Variants in SRFBP1 observed in about 807,000 individuals in gnomAD.
SRFBP1 encodes serum response factor binding protein 1, also known as serum response factor-binding protein 1.
A neutral mutation model predicts 45.5 loss-of-function variants in SRFBP1; 47 were observed. The observed-to-expected ratio is 1.03, with a 90% CI of 0.82 to 1.32. The LOEUF is 1.32. SRFBP1 is among the 40% of genes most tolerant of loss of function. The probability of loss-of-function intolerance (pLI) is 0.00; values close to 1 mark genes in which losing one functional copy is unlikely to be tolerated. For synonymous variants in SRFBP1, 203 were observed against 166.3 expected (o/e 1.22, Z -1.70); for missense variants, 621 against 484.6 (o/e 1.28, Z -2.64).
At chr5:121,963,381 G>A (rs190402742) in intron 1 of SRFBP1, among the ~76,000 whole-genome samples, 33 of 152,236 alleles carry the variant, frequency 2.2e-4, no homozygotes, top group Admixed American at 2.0e-3. Flanking sequence ...AAAGCGTTTG[G>A]TGGGCTATTT....
At chr5:122,054,049 G>A (rs1356983816) in intron 2 of SRFBP1, among the ~76,000 whole-genome samples, 1 of 152,230 alleles carries the variant, frequency 6.6e-6, no homozygotes, top group African/African-American at 2.4e-5. Flanking sequence ...ATCCAGCAGT[G>A]TGAGATGGAG....
intron 3 of SRFBP1, among the ~76,000 whole-genome samples, chr5:121,989,851 A>G (rs935596987): frequency 3.3e-5 from 5 of 152,166 alleles, no homozygotes; most frequent in Non-Finnish European, 1.5e-5. Context: ...CTTCTTTGGA[A>G]CACTCTAGTA....
chr5:122,070,469 A>AT, intron 2 of SRFBP1: 1 of 1,259,842 alleles, frequency 7.9e-7, no homozygotes, highest in Non-Finnish European at 1.2e-6. Flanking sequence ...ATATCAATAT[A>AT]TGATATATTT....
At chr5:121,993,061 C>T (rs1330322213) in intron 3 of SRFBP1, among the ~76,000 whole-genome samples, 2 of 152,148 alleles carry the variant, frequency 1.3e-5, no homozygotes, top group South Asian at 4.1e-4. Flanking sequence ...ATAATTAGTC[C>T]AACAAATTCA....
chr5:121,995,785 AAGAG>A (rs1446367677), intron 4 of SRFBP1, among the ~76,000 whole-genome samples: 48 of 151,806 alleles, frequency 3.2e-4, no homozygotes, highest in African/African-American at 1.1e-3. Context: ...TAAAGAAAAA[AAGAG>A]AGAAGAATCA....
At chr5:121,972,949 A>G (rs1725974898) in intron 1 of SRFBP1, among the ~76,000 whole-genome samples, 1 of 151,938 alleles carries the variant, frequency 6.6e-6, no homozygotes, top group South Asian at 2.1e-4. Flanking sequence ...GAATGATGGC[A>G]GAACTTAGGG....
chr5:122,077,857 G>A, downstream of SRFBP1: 1 of 1,539,886 alleles, frequency 6.5e-7, no homozygotes, highest in Non-Finnish European at 8.7e-7. This position sits in a 1 kb window ranked among gnomAD's most constrained non-coding sequence, Gnocchi z 4.9. Flanking sequence ...GGATCTGCTG[G>A]CGCCAGGCGC....
chr5:121,967,152 A>T (rs975850427), intron 1 of SRFBP1, among the ~76,000 whole-genome samples: 7 of 152,090 alleles, frequency 4.6e-5, no homozygotes, highest in African/African-American at 7.2e-5. Context: ...TTTTCATTTC[A>T]TGTAAGACAG....
intron 2 of SRFBP1, among the ~76,000 whole-genome samples, chr5:122,062,767 T>A (rs1329948022): frequency 6.6e-6 from 1 of 152,010 alleles, no homozygotes; most frequent in African/African-American, 2.4e-5. Flanking sequence ...TGCCCTCTCA[T>A]GTTACCAGAT....
intron 2 of SRFBP1, among the ~76,000 whole-genome samples, chr5:122,056,074 C>G (rs1396762338): frequency 6.6e-6 from 1 of 152,140 alleles, no homozygotes; most frequent in African/African-American, 2.4e-5. Flanking sequence ...ACCTTTCACT[C>G]CGGTCCCCAA....
chr5:122,042,905 T>C (rs551171791), intron 2 of SRFBP1, among the ~76,000 whole-genome samples: 25 of 152,308 alleles, frequency 1.6e-4, no homozygotes, highest in African/African-American at 5.8e-4. Context: ...TACCAAATAA[T>C]ATATAGGCCT....
intron 1 of SRFBP1, among the ~76,000 whole-genome samples, chr5:121,968,652 T>C (rs746437629): frequency 1.3e-5 from 2 of 152,200 alleles, no homozygotes; most frequent in Non-Finnish European, 2.9e-5. Flanking sequence ...CTTTTCCTAT[T>C]GTTGAGAATG....
At chr5:121,985,722 C>T (rs759120005) in intron 3 of SRFBP1, among the ~76,000 whole-genome samples, 8 of 151,790 alleles carry the variant, frequency 5.3e-5, no homozygotes, top group Non-Finnish European at 1.0e-4. Flanking sequence ...TGAGCATTTA[C>T]CAAATGCCAT....
chr5:121,985,201 T>C (rs1752486436), intron 3 of SRFBP1, among the ~76,000 whole-genome samples: 1 of 151,838 alleles, frequency 6.6e-6, no homozygotes. Context: ...GAGGGACACT[T>C]AGCACTGCTT....
chr5:122,054,571 A>G (rs925127811), intron 2 of SRFBP1, among the ~76,000 whole-genome samples: 2 of 152,156 alleles, frequency 1.3e-5, no homozygotes, highest in Non-Finnish European at 2.9e-5. Flanking sequence ...AATGAACTTT[A>G]TCTACAAAAT....
At chr5:121,973,437 G>T (rs916583729) in intron 1 of SRFBP1, among the ~76,000 whole-genome samples, 1 of 151,848 alleles carries the variant, frequency 6.6e-6, no homozygotes, top group African/African-American at 2.4e-5. Flanking sequence ...ACTGATAGAT[G>T]AAATATAAAC....
chr5:121,994,524 G>A (rs1752679468), intron 3 of SRFBP1, 75 bp from the exon 4 acceptor site: 2 of 899,628 alleles, frequency 2.2e-6, no homozygotes, highest in Non-Finnish European at 1.7e-6. Flanking sequence ...AGTTTCTTAA[G>A]ATACGGAAAG....
chr5:121,974,126 G>A, intron 1 of SRFBP1, 70 bp from the exon 2 acceptor site: 1 of 1,050,190 alleles, frequency 9.5e-7, no homozygotes, highest in South Asian at 1.4e-5. Flanking sequence ...CAAATATTAA[G>A]ACTCAAAATA....
rs1033250050 is a variant in SRFBP1, at chr5:122,027,552, C to G, written c.*426C>G. 2.0e-5 allele frequency: 3 copies of G among 152,386 alleles called. No homozygotes were observed. The highest frequency in any genetic ancestry group is 7.2e-5 in the African/African-American group (3 of 41,426). The allele number at this position is 152,386 out of a possible 1,614,324, so 9.4% of individuals were successfully genotyped here. A position where few individuals can be genotyped will look rare whatever the true frequency, so the allele number is the denominator to read the frequency against. On this transcript the variant is annotated 3_prime_UTR_variant, in exon 8 of 8. Transcript: ENST00000339397. ...GGGGATTTTAGTGATCTCATATTTT[C>G]TCTTTAGTGCTTATCATGAAATGTG...
Sources: gnomAD v4.1 joint callset for allele counts (sites outside exome capture counted in the v4.1 genomes callset) on GRCh38, gnomAD v4.1.1 for gene constraint, Gnocchi (gnomAD v3.1) non-coding constraint, MANE v1.5 for transcripts, NCBI Gene and HGNC (gene_info 2026-07-23, HGNC 2026-07-21) for gene names.